The following TTC1 variants were observed in gnomAD, a reference collection of about 807,000 sequenced individuals.
The protein encoded by TTC1 is tetratricopeptide repeat protein 1.
In TTC1, 31 loss-of-function variants were observed where a neutral mutation model predicts 37.6. The ratio of observed to expected loss-of-function variants is 0.82; its 90% CI spans 0.62 to 1.11. The LOEUF is 1.11. Ranked by LOEUF, TTC1 falls within the 50% of genes most tolerant of loss-of-function variation. The pLI is 0.00. For missense variants in TTC1, 351 were observed against 339.0 expected, an observed-to-expected ratio of 1.04 and a Z score of -0.28; for synonymous variants, 127 against 122.4, an observed-to-expected ratio of 1.04 and a Z score of -0.25.
At chr5:160,023,702 A>G (rs2113353709) in intron 2 of TTC1, 4 of 1,565,116 alleles carry the variant, frequency 2.6e-6, no homozygotes, top group East Asian at 2.2e-5. Context: ...GGCATGTCAC[A>G]TGTTGCCTAA....
At chr5:160,048,946 G>T (rs1480860756) in intron 5 of TTC1, among the ~76,000 whole-genome samples, 2 of 82,842 alleles carry the variant, frequency 2.4e-5, no homozygotes, top group African/African-American at 1.0e-4. Context: ...GCGAGACTCC[G>T]TCTAAAAAAA....
intron 4 of TTC1, among the ~76,000 whole-genome samples, chr5:160,041,229 A>G (rs554851181): frequency 1.3e-5 from 2 of 152,220 alleles, no homozygotes; most frequent in African/African-American, 2.4e-5. Context: ...CACTCTTAAC[A>G]TAATAAAAAG....
In TTC1 at chr5:160,065,316, C is replaced by T; in HGVS notation, c.*251C>T. 1.6e-6 allele frequency: 1 copy of T among 618,988 alleles called. No homozygotes were observed. Among genetic ancestry groups the T allele is most frequent in the Non-Finnish European group, 3.0e-6 (1 of 337,948 alleles). The allele number at this position is 618,988 out of a possible 1,614,324, so 38.3% of individuals were successfully genotyped here. ...GCTGGTGTCCCCGATTCTGGCTGTCCTATGTCCAGGAAGAAGCCCATTTGT... is the reference window on the plus strand; with the variant it reads ...GCTGGTGTCCCCGATTCTGGCTGTCTTATGTCCAGGAAGAAGCCCATTTGT... On this transcript the variant is annotated 3_prime_UTR_variant, in exon 8 of 8. Coordinates refer to ENST00000231238, the MANE Select transcript of TTC1 (RefSeq NM_003314.3).
intron 2 of TTC1, among the ~76,000 whole-genome samples, chr5:160,019,810 C>T (rs1394233891): frequency 1.3e-5 from 2 of 151,544 alleles, no homozygotes; most frequent in Non-Finnish European, 2.9e-5. Context: ...GTCTCGAACT[C>T]ACATCATGAT....
At chr5:160,040,594 G>A (rs1413011138) in intron 4 of TTC1, among the ~76,000 whole-genome samples, 2 of 151,746 alleles carry the variant, frequency 1.3e-5, no homozygotes, top group African/African-American at 4.8e-5. Flanking sequence ...TCTCTTCTGA[G>A]CTGGGGCAGG....
At chr5:160,047,068 C>T (rs1025007430) in intron 5 of TTC1, among the ~76,000 whole-genome samples, 24 of 152,210 alleles carry the variant, frequency 1.6e-4, no homozygotes, top group African/African-American at 5.8e-4. Context: ...GGAGTATTTT[C>T]ATAAAGATAA....
chr5:160,042,172 C>T (rs1048998429), intron 4 of TTC1, among the ~76,000 whole-genome samples: 6 of 152,178 alleles, frequency 3.9e-5, no homozygotes, highest in Admixed American at 1.3e-4. Flanking sequence ...TCTAGTGATC[C>T]GCCCACCTTG....
intron 7 of TTC1, among the ~76,000 whole-genome samples, chr5:160,053,075 C>T (rs1757445916): frequency 6.6e-6 from 1 of 152,136 alleles, no homozygotes; most frequent in South Asian, 2.1e-4. Flanking sequence ...CATGGAATTT[C>T]AGCCCCCACA....
chr5:160,038,663 T>C (rs2113372222), intron 4 of TTC1, among the ~76,000 whole-genome samples: 1 of 127,034 alleles, frequency 7.9e-6, no homozygotes, highest in East Asian at 2.5e-4. Context: ...GCGTTTCTTT[T>C]TTTTTTTTTT....
chr5:160,036,227 TTTAGCCAGGTTGAC>T (rs1405882676), intron 3 of TTC1, among the ~76,000 whole-genome samples: 1 of 152,248 alleles, frequency 6.6e-6, no homozygotes, highest in Non-Finnish European at 1.5e-5. Flanking sequence ...CGGATGCTGT[TTTAGCCAGGTTGAC>T]TGTATGAAAG....
chr5:160,043,101 G>A (rs1218810682), intron 4 of TTC1, 32 bp from the exon 5 acceptor site: 2 of 1,609,476 alleles, frequency 1.2e-6, no homozygotes, highest in Middle Eastern at 1.6e-4. Flanking sequence ...TAAAACTAGG[G>A]CAACACATAT....
intron 1 of TTC1, among the ~76,000 whole-genome samples, chr5:160,009,922 A>G (rs529981058): frequency 6.6e-6 from 1 of 152,314 alleles, no homozygotes; most frequent in Non-Finnish European, 1.5e-5. Flanking sequence ...TGGTGGTGCT[A>G]AAAAGACGGA....
At chr5:160,024,650 T>TCACA (rs763716755) in intron 2 of TTC1, among the ~76,000 whole-genome samples, 2 of 151,014 alleles carry the variant, frequency 1.3e-5, no homozygotes, top group Non-Finnish European at 3.0e-5. Context: ...GGGCTTGCCA[T>TCACA]CACACCCAGC....
At chr5:160,027,783 A>C (rs1756832142) in intron 2 of TTC1, among the ~76,000 whole-genome samples, 1 of 152,238 alleles carries the variant, frequency 6.6e-6, no homozygotes, top group African/African-American at 2.4e-5. Flanking sequence ...GTATATCATT[A>C]CACTGCCTTC....
chr5:160,018,928 G>A (rs552592803), intron 2 of TTC1, among the ~76,000 whole-genome samples: 78 of 152,296 alleles, frequency 5.1e-4, no homozygotes, highest in Non-Finnish European at 6.9e-4. Context: ...TTCGATTGGC[G>A]GGATGGAGTG....
chr5:160,012,161 A>G (rs1035108148), intron 2 of TTC1, among the ~76,000 whole-genome samples: 2 of 152,148 alleles, frequency 1.3e-5, no homozygotes, highest in African/African-American at 4.8e-5. Context: ...TTATGCATCT[A>G]TGTTAAAAAG....
At chr5:160,024,197 T>G (rs1756762397) in intron 2 of TTC1, among the ~76,000 whole-genome samples, 4 of 152,236 alleles carry the variant, frequency 2.6e-5, no homozygotes, top group Admixed American at 2.0e-4. Context: ...ATGTCCTTAC[T>G]GGAGACTATA....
At chr5:160,050,665 T>A (rs1222443150) in intron 6 of TTC1, among the ~76,000 whole-genome samples, 1 of 139,796 alleles carries the variant, frequency 7.2e-6, no homozygotes, top group Non-Finnish European at 1.5e-5. Flanking sequence ...GGTCTCTGAC[T>A]CCCAGGCTGG....
At chr5:160,052,059 G>A (rs567201614) in intron 7 of TTC1, among the ~76,000 whole-genome samples, 96 of 152,328 alleles carry the variant, frequency 6.3e-4, no homozygotes, top group African/African-American at 2.1e-3. Flanking sequence ...ATTGAGAGGA[G>A]GCCATTAACC....
Sources: gnomAD v4.1 joint callset for allele counts (sites outside exome capture counted in the v4.1 genomes callset) on GRCh38, gnomAD v4.1.1 for gene constraint, MANE v1.5 for transcripts, NCBI Gene and HGNC (gene_info 2026-07-23, HGNC 2026-07-21) for gene names.